The following CHODL variants were observed in gnomAD, a reference collection of about 807,000 sequenced individuals.
The protein encoded by CHODL is transmembrane protein MT75.
Under a neutral mutation model 34.5 loss-of-function variants are expected in CHODL, and 29 were observed. That is an observed-to-expected ratio of 0.84 (90% confidence interval 0.63 to 1.15). The LOEUF is 1.15. Ranked by LOEUF, CHODL falls within the 50% of genes most tolerant of loss-of-function variation. The pLI, the probability that CHODL is intolerant of heterozygous loss-of-function variation, is 0.00. For synonymous variants in CHODL, 125 were observed against 116.1 expected (o/e 1.08, Z -0.49); for missense variants, 332 against 332.5 (o/e 1.00, Z 0.01).
At chr21:18,129,553 T>C (rs1232076746) in intron 2 of CHODL, among the ~76,000 whole-genome samples, 2 of 152,314 alleles carry the variant, frequency 1.3e-5, no homozygotes, top group African/African-American at 4.8e-5. Flanking sequence ...TCTTGAGTTC[T>C]TCAAAACATT....
chr21:18,235,692 G>A (rs1056714788), intron 2 of CHODL, among the ~76,000 whole-genome samples: 1 of 152,214 alleles, frequency 6.6e-6, no homozygotes. Context: ...TAAATTACGT[G>A]TTCCAAACAG....
chr21:18,071,400 C>T (rs761122585), intron 2 of CHODL, among the ~76,000 whole-genome samples: 1 of 152,064 alleles, frequency 6.6e-6, no homozygotes, highest in Non-Finnish European at 1.5e-5. Flanking sequence ...CCACCTCAGC[C>T]TCCCAAAGTG....
At chr21:17,918,978 T>C (rs2063162717) in intron 1 of CHODL, among the ~76,000 whole-genome samples, 1 of 152,198 alleles carries the variant, frequency 6.6e-6, no homozygotes, top group Admixed American at 6.5e-5. Flanking sequence ...CAAAATGATC[T>C]CCTTTAACTC....
intron 2 of CHODL, among the ~76,000 whole-genome samples, chr21:18,229,164 A>G (rs1317053916): frequency 6.6e-6 from 1 of 152,208 alleles, no homozygotes; most frequent in Non-Finnish European, 1.5e-5. Flanking sequence ...AGAAAGTATA[A>G]AGAGGGCAGT....
chr21:18,019,338 TG>T (rs1446193949), intron 1 of CHODL, among the ~76,000 whole-genome samples: 2 of 152,130 alleles, frequency 1.3e-5, no homozygotes. Flanking sequence ...TTAAGGATAG[TG>T]GGGAGGAAGT....
chr21:18,020,546 C>T (rs2064118545), intron 1 of CHODL, among the ~76,000 whole-genome samples: 1 of 152,072 alleles, frequency 6.6e-6, no homozygotes, highest in Non-Finnish European at 1.5e-5. Flanking sequence ...GAGATGAAAA[C>T]AATTTAATCT....
intron 2 of CHODL, among the ~76,000 whole-genome samples, chr21:18,092,022 G>A (rs369255529): frequency 6.6e-6 from 1 of 152,182 alleles, no homozygotes. Flanking sequence ...GGCCCTGGGG[G>A]AAATTGCCAT....
intron 1 of CHODL, among the ~76,000 whole-genome samples, chr21:17,941,440 AG>A (rs1362799277): frequency 1.4e-5 from 2 of 146,942 alleles, no homozygotes; most frequent in Non-Finnish European, 3.0e-5. Context: ...TAAATTCAGG[AG>A]CTGGGCTTTT....
intron 2 of CHODL, among the ~76,000 whole-genome samples, chr21:18,142,796 A>C (rs1000977836): frequency 3.3e-5 from 5 of 152,178 alleles, no homozygotes; most frequent in Admixed American, 3.3e-4. Context: ...AAATATATGC[A>C]GACAATAGCT....
rs144527529 is a variant in CHODL at position 17,940,414 on chromosome 21, T to C, written c.-145+23014T>C. On this transcript the variant is annotated intron_variant, in intron 1 of 6. Transcript: ENST00000400127. Reference sequence around the variant, plus strand: ...TGCTATAAATTATAGTGAACTAATATCACCAACATAATATTAGAAAAAAAG... The same window carrying C: ...TGCTATAAATTATAGTGAACTAATACCACCAACATAATATTAGAAAAAAAG... 2.4e-3 allele frequency among the ~76,000 whole-genome samples: 367 copies of C among 152,266 alleles called. 3 individuals are homozygous for C. The highest frequency in any genetic ancestry group is 8.3e-3 in the African/African-American group (346 of 41,554).
intron 1 of CHODL, among the ~76,000 whole-genome samples, chr21:18,249,007 TAA>T (rs1491328434): frequency 5.5e-5 from 6 of 108,654 alleles, no homozygotes; most frequent in Admixed American, 2.3e-4. Context: ...TATTTATATA[TAA>T]TATATATTAT....
At chr21:17,998,597 C>T (rs184909664) in intron 1 of CHODL, among the ~76,000 whole-genome samples, 84 of 152,334 alleles carry the variant, frequency 5.5e-4, no homozygotes, top group African/African-American at 1.9e-3. Flanking sequence ...AAAATCTAGC[C>T]GGAGGTTCCT....
intron 1 of CHODL, among the ~76,000 whole-genome samples, chr21:17,923,780 A>G (rs2063202285): frequency 6.6e-6 from 1 of 152,178 alleles, no homozygotes; most frequent in African/African-American, 2.4e-5. Flanking sequence ...GTTTTATACA[A>G]GTCCCAAAGG....
At chr21:18,032,265 T>C (rs534896038) in intron 2 of CHODL, among the ~76,000 whole-genome samples, 81 of 152,236 alleles carry the variant, frequency 5.3e-4, no homozygotes, top group South Asian at 3.7e-3. Context: ...CATATTTTAA[T>C]TAGCTGTATT....
intron 1 of CHODL, among the ~76,000 whole-genome samples, chr21:18,023,626 C>A (rs1247137333): frequency 6.6e-6 from 1 of 152,074 alleles, no homozygotes; most frequent in African/African-American, 2.4e-5. Context: ...GAGTTTGTCC[C>A]CTGGATTATC....
chr21:18,072,615 A>G (rs2064819128), intron 2 of CHODL, among the ~76,000 whole-genome samples: 1 of 152,142 alleles, frequency 6.6e-6, no homozygotes, highest in Non-Finnish European at 1.5e-5. Flanking sequence ...AATTTTGTGT[A>G]TGTGTAGTAA....
intron 1 of CHODL, among the ~76,000 whole-genome samples, chr21:17,979,050 A>G (rs2146372772): frequency 6.6e-6 from 1 of 152,214 alleles, no homozygotes; most frequent in South Asian, 2.1e-4. Context: ...CTCTGCGTTT[A>G]AGGACTCATG....
At chr21:18,150,244 T>TA (rs1339425088) in intron 2 of CHODL, among the ~76,000 whole-genome samples, 2 of 152,266 alleles carry the variant, frequency 1.3e-5, no homozygotes, top group East Asian at 3.9e-4. Flanking sequence ...AGCCTTCAGG[T>TA]AGCAGGCCTC....
Position 18,245,184 on chromosome 21 carries a change from C to A in CHODL, c.-40C>A. 2 of 1,496,464 alleles carry A rather than the reference C, an allele frequency of 1.3e-6. No homozygotes were observed. Among genetic ancestry groups the A allele is most frequent in the Non-Finnish European group, 1.8e-6 (2 of 1,125,564 alleles). 92.7% of individuals were successfully genotyped at this position (1,496,464 alleles called of 1,614,324 possible). ...GGGCTGCGCCCTGGGCAGAGGCCGC[C>A]CTCGCTCCACGCAACACCTGCTGCT... On this transcript the variant is annotated 5_prime_UTR_variant, in exon 1 of 6. Transcript: ENST00000299295.
Sources: gnomAD v4.1 joint callset for allele counts (sites outside exome capture counted in the v4.1 genomes callset) on GRCh38, gnomAD v4.1.1 for gene constraint, MANE v1.5 for transcripts, NCBI Gene and HGNC (gene_info 2026-07-23, HGNC 2026-07-21) for gene names.